The following AGBL5 variants were observed in gnomAD, a reference collection of about 807,000 sequenced individuals.
The protein encoded by AGBL5 is AGBL carboxypeptidase 5.
A neutral mutation model predicts 88.0 loss-of-function variants in AGBL5; 51 were observed. The ratio of observed to expected loss-of-function variants is 0.58; its 90% CI spans 0.46 to 0.73. The LOEUF (loss-of-function observed/expected upper bound fraction) is 0.73, where lower values mean the gene tolerates loss of function less well. Among genes scored for constraint, AGBL5 ranks in the 30% least tolerant of loss-of-function variants. The pLI is 0.00. For synonymous variants in AGBL5, 446 were observed against 438.8 expected (o/e 1.02, Z -0.21); for missense variants, 1,031 against 1,162.2 (o/e 0.89, Z 1.64).
At position 27,056,073 on chromosome 2, in the gene AGBL5, C is replaced by T. The variant is rs1174453228; in HGVS notation, c.1300C>T (p.His434Tyr). Residue 434 changes from histidine to tyrosine, a missense_variant, in exon 7 of 15, where the codon CAT becomes TAT. Around this residue, in one of 2 missense-constraint regions of AGBL5, gnomAD observed 540 missense variants for 678.2 expected, o/e 0.80. Transcript: ENST00000360131. ...TGGCGTTGCTTACTATGTGGACCTG[C>T]ATGGACATGCTTCCAAAAGGGGCTG... is the stretch of plus-strand genomic sequence containing the variant. ...ESGVAYYVDL[H>Y]GHASKRGCFM... 1.2e-6 allele frequency: 2 copies of T among 1,614,040 alleles called. No homozygotes were observed. Among genetic ancestry groups the T allele is most frequent in the African/African-American group, 2.7e-5 (2 of 74,928 alleles).
intron 13 of AGBL5, chr2:27,069,281 TA>T: frequency 2.0e-6 from 2 of 985,436 alleles, no homozygotes; most frequent in Non-Finnish European, 2.4e-6. Flanking sequence ...ACTATCTTTC[TA>T]CACAGTGTTT....
Position 27,058,457 on chromosome 2 carries a change from C to A in AGBL5, c.1729C>A (p.Arg577=), listed in dbSNP as rs1209104357. The A allele has an allele frequency of 6.2e-7, 1 of 1,613,954 alleles. No individual in the cohort carries two copies. ...CATGGCGGAATGTAATCCGTGGCCCCGAATTGTACTGTCAGAGCACAGCAG... is the reference window on the plus strand; with the variant it reads ...CATGGCGGAATGTAATCCGTGGCCCAGAATTGTACTGTCAGAGCACAGCAG... ...LDMAECNPWP[R]IVLSEHSSLT... Residue 577 remains arginine, a synonymous_variant, in exon 10 of 15, where the codon CGA becomes AGA. Transcript: ENST00000360131.
rs757420415 is a variant in AGBL5 at position 27,055,160 on chromosome 2, C to T, written c.815C>T (p.Pro272Leu). 5.0e-6 allele frequency: 8 copies of T among 1,614,228 alleles called. No individual in the cohort carries two copies. The highest frequency in any genetic ancestry group is 6.8e-6 in the Non-Finnish European group (8 of 1,180,030). ...FNGFLDFILR[P>L]DDPRAQTLRR... ...GGCTTTCTGGACTTCATCCTCCGACCTGATGATCCCCGGGCCCAAACCCTC... is the reference window on the plus strand; with the variant it reads ...GGCTTTCTGGACTTCATCCTCCGACTTGATGATCCCCGGGCCCAAACCCTC... The change falls in exon 6 of 15, where the codon CCT becomes CTT. Residue 272 changes from proline to leucine, a missense_variant. Physicochemically the swap from Pro to Leu is moderately conservative, Grantham distance 98. This residue lies in a region of AGBL5 where 540 missense variants were observed against 678.2 expected (regional missense o/e 0.80). Transcript: ENST00000360131.
chr2:27,054,040 A>T lies in AGBL5; in HGVS notation c.532A>T (p.Asn178Tyr), dbSNP rs1343797838. Residue 178 changes from asparagine (N) to tyrosine (Y), a missense_variant, in exon 4 of 15, where the codon AAC becomes TAC. Around this residue, in one of 2 missense-constraint regions of AGBL5, gnomAD observed 540 missense variants for 678.2 expected, o/e 0.80. Transcript: ENST00000360131. Reference sequence around the variant, plus strand: ...CCAGCTAGACCAGCGCTTTCCGGAGAACCACCCTACCCATAGCAGGTGCCA... The same window carrying T: ...CCAGCTAGACCAGCGCTTTCCGGAGTACCACCCTACCCATAGCAGGTGCCA... ...LNQLDQRFPE[N>Y]HPTHSSPLDT... is the part of the protein sequence containing the mutation. The T allele has an allele frequency of 6.2e-7, 1 of 1,613,562 alleles. No homozygotes were observed. The highest frequency in any genetic ancestry group is 2.2e-5 in the East Asian group (1 of 44,866).
chr2:27,054,583 C>T (rs201225925), intron 4 of AGBL5, 47 bp from the exon 5 acceptor site: 24 of 1,572,560 alleles, frequency 1.5e-5, no homozygotes, highest in Non-Finnish European at 1.9e-5. Flanking sequence ...CTACCTCTTA[C>T]TAGGACTTTA....
chr2:27,051,945 A>C (rs1269860138), intron 1 of AGBL5, 152 bp downstream of exon 1: 1 of 136,936 alleles, frequency 7.3e-6, no homozygotes, highest in Non-Finnish European at 1.6e-5. Context: ...GACCCCGCCC[A>C]GCTCCGTGGC....
chr2:27,050,845 C>T (rs998806299), upstream of AGBL5, among the ~76,000 whole-genome samples: 3 of 152,134 alleles, frequency 2.0e-5, no homozygotes, highest in African/African-American at 7.2e-5. Flanking sequence ...ATCCTTAGGT[C>T]GCTGGTTCGA....
Position 27,053,825 on chromosome 2 carries a change from T to C in AGBL5, c.388-71T>C, listed in dbSNP as rs1668295010. 6.5e-7 allele frequency: 1 copy of C among 1,540,960 alleles called. No homozygotes were observed. Among genetic ancestry groups the C allele is most frequent in the African/African-American group, 1.4e-5 (1 of 73,064 alleles). ...GTGATAAGGGTGTGAGGTCAGTTCC[T>C]GGTGGTCCCAGTAGGAGCTCAGTTC... is the stretch of plus-strand genomic sequence containing the variant. On this transcript the variant is annotated intron_variant, in intron 3 of 14. Transcript: ENST00000360131. The surrounding 1 kb of genome is among the most constrained non-coding windows in gnomAD (Gnocchi z 4.9).
upstream of AGBL5, among the ~76,000 whole-genome samples, chr2:27,051,213 CG>C (rs1375528483): frequency 1.3e-5 from 2 of 152,122 alleles, no homozygotes; most frequent in East Asian, 1.9e-4. Flanking sequence ...AAGCAGCAGG[CG>C]GGGGATTAGC....
chr2:27,051,174 G>C (rs1409274166), upstream of AGBL5: 2 of 152,384 alleles, frequency 1.3e-5, no homozygotes, highest in Admixed American at 1.3e-4. Context: ...GAACAGTGCA[G>C]TGAACCTGTA....
Position 27,055,861 on chromosome 2 carries a change from C to A in AGBL5, c.1088C>A (p.Ser363Tyr). 6.2e-7 allele frequency: 1 copy of A among 1,614,222 alleles called. No homozygotes were observed. Among genetic ancestry groups the A allele is most frequent in the Non-Finnish European group, 8.5e-7 (1 of 1,180,046 alleles). The change falls in exon 7 of 15, where the codon TCT becomes TAT. Residue 363 changes from serine (S) to tyrosine (Y), a missense_variant. Transcript: ENST00000360131. ...TGTCTCCCTCCTGATGCTCCTGTTT[C>A]TGACCTGGAGAAAGCCAACAATCTC... ...SSCLPPDAPVSDLEKANNLQN... is the reference protein window; with the variant it reads ...SSCLPPDAPVYDLEKANNLQN...
At chr2:27,069,121 G>A in intron 13 of AGBL5, 1 of 1,338,616 alleles carries the variant, frequency 7.5e-7, no homozygotes, top group Non-Finnish European at 9.8e-7. Context: ...CTGCTGCTAG[G>A]AACAGCCCTG....
At chr2:27,057,852 G>C (rs1430073604) in intron 9 of AGBL5, among the ~76,000 whole-genome samples, 1 of 152,216 alleles carries the variant, frequency 6.6e-6, no homozygotes, top group African/African-American at 2.4e-5. Flanking sequence ...AAGGCAGGCG[G>C]ATCACCTGAG....
At position 27,053,605 on chromosome 2, in the gene AGBL5, TG is replaced by T. The variant is rs1222202345; in HGVS notation, c.387+35del. 1.9e-6 allele frequency: 3 copies of T among 1,588,572 alleles called. No individual in the cohort carries two copies. In the African/African-American group the frequency reaches 4.1e-5, roughly 22 times the overall value. ...TCTCCATGAGGAGGAAAGAAAGACT[TG>T]GGTGCTAAAAGTAGAGAGGAAAGTA... is the stretch of plus-strand genomic sequence containing the variant. On this transcript the variant is annotated intron_variant, in intron 3 of 14. Coordinates refer to ENST00000360131, the MANE Select transcript of AGBL5 (RefSeq NM_021831.6). This position sits in a 1 kb window ranked among gnomAD's most constrained non-coding sequence, Gnocchi z 4.9.
At chr2:27,061,844 C>T (rs1381550956) in intron 11 of AGBL5, 1 of 151,152 alleles carries the variant, frequency 6.6e-6, no homozygotes, top group African/African-American at 2.4e-5. Flanking sequence ...GATAGAGTTT[C>T]GCTCGTTACC....
intron 1 of AGBL5, among the ~76,000 whole-genome samples, 184 bp from the exon 2 acceptor site, chr2:27,052,729 G>C (rs185744299): frequency 2.9e-4 from 44 of 152,270 alleles, no homozygotes; most frequent in Admixed American, 2.0e-3. Flanking sequence ...TTAGTGTTGG[G>C]GTACAGAATG....
At chr2:27,067,452 C>T in intron 11 of AGBL5, 42 bp from the exon 12 acceptor site, 2 of 1,594,970 alleles carry the variant, frequency 1.3e-6, no homozygotes, top group East Asian at 2.3e-5. Context: ...CATAGTGCCC[C>T]ACTTATTTGC....
upstream of AGBL5, chr2:27,050,385 C>T (rs1431308685): frequency 6.6e-6 from 1 of 152,340 alleles, no homozygotes; most frequent in East Asian, 1.9e-4. Context: ...GCAGGAGCAG[C>T]CAAAGTGGCC....
chr2:27,054,651 C>G lies in AGBL5; in HGVS notation c.573C>G (p.Tyr191Ter). ...THSSPLDTIY[Y>*]HRELLCYSLD... is the part of the protein sequence containing the mutation. ...GTAGCCCCCTGGATACCATCTATTA[C>G]CATCGGGAGCTCCTTTGCTATTCTC... Residue 191 changes from tyrosine to a stop codon, truncating the protein, a stop_gained, in exon 5 of 15, where the codon TAC becomes TAG. Transcript: ENST00000360131. LOFTEE classifies it high-confidence loss of function. 1 of 1,613,978 alleles carries G rather than the reference C, an allele frequency of 6.2e-7. No individual in the cohort carries two copies.
Sources: gnomAD v4.1 joint callset for allele counts (sites outside exome capture counted in the v4.1 genomes callset) on GRCh38, gnomAD v4.1.1 for gene constraint, gnomAD v4.1.1 regional missense constraint, Gnocchi (gnomAD v3.1) non-coding constraint, MANE v1.5 for transcripts, NCBI Gene and HGNC (gene_info 2026-07-23, HGNC 2026-07-21) for gene names.